The following ACAD10 variants were observed in gnomAD, a reference collection of about 807,000 sequenced individuals.
ACAD10 encodes the protein acyl-CoA dehydrogenase family member 10, also known as ACAD-10.
In ACAD10, 112 loss-of-function variants were observed where a neutral mutation model predicts 116.8. The observed-to-expected ratio is 0.96, with a 90% CI of 0.82 to 1.12. The LOEUF is 1.12. Among genes scored for constraint, ACAD10 ranks in the 50% most tolerant of loss-of-function variants. The probability of loss-of-function intolerance (pLI) is 0.00; values close to 1 mark genes in which losing one functional copy is unlikely to be tolerated. For synonymous variants in ACAD10, 486 were observed against 510.6 expected (o/e 0.95, Z 0.65); for missense variants, 1,259 against 1,350.2 (o/e 0.93, Z 1.06).
At chr12:111,687,866 C>T (rs1261488137) in intron 1 of ACAD10, among the ~76,000 whole-genome samples, 1 of 151,816 alleles carries the variant, frequency 6.6e-6, no homozygotes, top group African/African-American at 2.4e-5. Flanking sequence ...ACCAAACAAA[C>T]CTTTTTTTTT....
intron 18 of ACAD10, among the ~76,000 whole-genome samples, chr12:111,752,223 T>C (rs1890091228): frequency 6.6e-6 from 1 of 150,732 alleles, no homozygotes; most frequent in South Asian, 2.1e-4. Flanking sequence ...ACACCCTGTC[T>C]GGGAAAAAAA....
At chr12:111,709,471 A>G (rs1888606383) in intron 4 of ACAD10, 55 bp from the exon 5 acceptor site, 35 of 1,444,246 alleles carry the variant, frequency 2.4e-5, no homozygotes, top group Admixed American at 5.2e-5. Context: ...ACCAGCATGC[A>G]TGTGGGAGCT....
At chr12:111,688,226 A>C (rs1887937254) in intron 1 of ACAD10, 1 of 152,186 alleles carries the variant, frequency 6.6e-6, no homozygotes, top group African/African-American at 2.4e-5. Context: ...TGTGTAAGTA[A>C]ATTTCTCTTT....
Position 111,747,081 on chromosome 12 carries a change from C to T in ACAD10, c.2289C>T (p.Asn763=), listed in dbSNP as rs1889927055. ...VCNCSAPDTG[N]MELLVRYGTE... Reference sequence around the variant, plus strand: ...ACTGCTCTGCGCCTGACACGGGCAACATGGAGCTGCTGGTGAGGTATGGCA... The same window carrying T: ...ACTGCTCTGCGCCTGACACGGGCAATATGGAGCTGCTGGTGAGGTATGGCA... Residue 763 remains asparagine (N), a synonymous_variant, in exon 15 of 21, where the codon AAC becomes AAT. Coordinates refer to ENST00000313698, the MANE Select transcript of ACAD10 (RefSeq NM_025247.6). 1 of 1,611,820 alleles carries T rather than the reference C, an allele frequency of 6.2e-7. No homozygotes were observed. The highest frequency in any genetic ancestry group is 8.5e-7 in the Non-Finnish European group (1 of 1,178,582).
chr12:111,746,336 A>G (rs1889899529), intron 14 of ACAD10, 52 bp downstream of exon 14: 2 of 1,575,700 alleles, frequency 1.3e-6, no homozygotes, highest in Non-Finnish European at 1.7e-6. Context: ...GATCTTCATA[A>G]GAACTCAATC....
intron 5 of ACAD10, among the ~76,000 whole-genome samples, chr12:111,710,742 G>A (rs191850613): frequency 2.6e-5 from 4 of 152,084 alleles, no homozygotes; most frequent in Admixed American, 6.6e-5. Flanking sequence ...AAATCTGCCC[G>A]CCTCGCCTCC....
At chr12:111,709,747 T>C in intron 5 of ACAD10, 63 bp downstream of exon 5, 1 of 1,463,886 alleles carries the variant, frequency 6.8e-7, no homozygotes. Context: ...TGTTTCTCTG[T>C]AATCTTTTTA....
At position 111,747,061 on chromosome 12, in the gene ACAD10, T is replaced by C. The variant is rs143862876; in HGVS notation, c.2269T>C (p.Ser757Pro). The change falls in exon 15 of 21, where the codon TCT becomes CCT. Residue 757 changes from serine to proline, a missense_variant. Transcript: ENST00000313698. ...SLYAPEVCNC[S>P]APDTGNMELL... ...TTTTCCTTCTCAGGTATGTAACTGC[T>C]CTGCGCCTGACACGGGCAACATGGA... 1.0e-3 allele frequency: 1,628 copies of C among 1,605,064 alleles called. 11 individuals carry two copies. In the African/African-American group the frequency reaches 0.018, roughly 17 times the overall value.
chr12:111,742,715 A>G (rs1232899028), intron 12 of ACAD10, among the ~76,000 whole-genome samples: 1 of 152,100 alleles, frequency 6.6e-6, no homozygotes, highest in African/African-American at 2.4e-5. Context: ...TAAATAAAAT[A>G]TTTATTTTTT....
intron 2 of ACAD10, among the ~76,000 whole-genome samples, chr12:111,694,879 G>T (rs1323154055): frequency 6.6e-6 from 1 of 152,048 alleles, no homozygotes; most frequent in Non-Finnish European, 1.5e-5. Flanking sequence ...TACAAAAAGC[G>T]TACCTGGGCA....
chr12:111,731,019 G>T (rs1228210312), intron 10 of ACAD10, among the ~76,000 whole-genome samples: 1 of 152,192 alleles, frequency 6.6e-6, no homozygotes, highest in Admixed American at 6.5e-5. Context: ...TCAAACTCCT[G>T]CCCTCAAGTG....
Position 111,695,979 on chromosome 12 carries a change from G to A in ACAD10, c.187+3083G>A, listed in dbSNP as rs141677404. Among the ~76,000 whole-genome samples the A allele has an allele frequency of 5.2e-3, 774 of 149,722 alleles. 2 individuals are homozygous for A. Among genetic ancestry groups the A allele is most frequent in the African/African-American group, 0.018 (722 of 40,454 alleles). On this transcript the variant is annotated intron_variant, in intron 2 of 20. Coordinates refer to ENST00000313698, the MANE Select transcript of ACAD10 (RefSeq NM_025247.6). ...CAGTGAGCTGAGATCATACCATTGC[G>A]CTGCAGCTTGGGAGACAGAGCAAGA...
chr12:111,688,239 A>G (rs1887937642), intron 1 of ACAD10: 1 of 152,200 alleles, frequency 6.6e-6, no homozygotes, highest in South Asian at 2.1e-4. Context: ...TTCTCTTTCT[A>G]TCATAAACAT....
In ACAD10 at chr12:111,736,827, G is replaced by T. The variant is rs747247697; in HGVS notation, c.1541-4G>T. On this transcript the variant is annotated splice_polypyrimidine_tract_variant and splice_region_variant and intron_variant, in intron 11 of 20. Coordinates refer to ENST00000313698, the MANE Select transcript of ACAD10 (RefSeq NM_025247.6). ...ACCCATGAATGGCTCTGTCTTTCTC[G>T]CAGGTATTAATGACTGTGACTTGAC... The T allele has an allele frequency of 6.2e-7, 1 of 1,609,492 alleles. No homozygotes were observed. Among genetic ancestry groups the T allele is most frequent in the Non-Finnish European group, 8.5e-7 (1 of 1,177,920 alleles).
intron 3 of ACAD10, 75 bp from the exon 4 acceptor site, chr12:111,705,661 ATT>A: frequency 8.1e-7 from 1 of 1,232,712 alleles, no homozygotes; most frequent in South Asian, 1.5e-5. Context: ...AGGAATAAGC[ATT>A]TTTTTTTTCT....
intron 1 of ACAD10, chr12:111,691,309 T>C (rs1233364814): frequency 1.3e-5 from 2 of 152,378 alleles, no homozygotes; most frequent in African/African-American, 4.8e-5. Flanking sequence ...TGTTTTGTGG[T>C]GTGAGGGTGT....
chr12:111,717,154 C>G (rs572710694), intron 7 of ACAD10, among the ~76,000 whole-genome samples: 2 of 151,968 alleles, frequency 1.3e-5, no homozygotes, highest in African/African-American at 4.8e-5. Flanking sequence ...CTCAGGCGTT[C>G]GAGCCCAGCC....
In ACAD10 at chr12:111,729,948, G is replaced by T. The variant is rs1270470836; in HGVS notation, c.1386G>T (p.Gly462=). The change falls in exon 10 of 21, where the codon GGG becomes GGT. Residue 462 remains glycine (G), a synonymous_variant. Transcript: ENST00000313698. The part of the protein sequence containing the change: ...PRQQRTTVVH[G]DFRLDNLVFH... ...AGCAGAGGACCACAGTGGTGCACGG[G>T]GACTTCAGGTAGATGTGGTGGCAGG... 6.2e-7 allele frequency: 1 copy of T among 1,613,784 alleles called. No homozygotes were observed. The highest frequency in any genetic ancestry group is 1.7e-5 in the Admixed American group (1 of 59,974).
intron 9 of ACAD10, 33 bp downstream of exon 9, chr12:111,728,176 G>A: frequency 6.4e-7 from 1 of 1,558,842 alleles, no homozygotes; most frequent in African/African-American, 1.4e-5. Context: ...CATGCTGGTT[G>A]TTTCATCACT....
Sources: gnomAD v4.1 joint callset for allele counts (sites outside exome capture counted in the v4.1 genomes callset) on GRCh38, gnomAD v4.1.1 for gene constraint, MANE v1.5 for transcripts, NCBI Gene and HGNC (gene_info 2026-07-23, HGNC 2026-07-21) for gene names.